The following CNTLN variants were observed in gnomAD, a reference collection of about 807,000 sequenced individuals.
CNTLN encodes the protein centlein.
CNTLN carries 212 observed loss-of-function variants against 180.0 expected under a neutral mutation model. The observed-to-expected ratio is 1.18, with a 90% CI of 1.05 to 1.32. CNTLN has a LOEUF of 1.32. CNTLN is among the 40% of genes most tolerant of loss of function. The pLI, the probability that CNTLN is intolerant of heterozygous loss-of-function variation, is 0.00. For synonymous variants in CNTLN, 722 were observed against 563.1 expected, an observed-to-expected ratio of 1.28 and a Z score of -3.99; for missense variants, 2,095 against 1,610.9, an observed-to-expected ratio of 1.30 and a Z score of -5.14.
chr9:17,442,647 C>T (rs1194030562), intron 18 of CNTLN, among the ~76,000 whole-genome samples: 1 of 152,204 alleles, frequency 6.6e-6, no homozygotes, highest in African/African-American at 2.4e-5. Context: ...GATTCACTCG[C>T]CTTGGCCTCT....
At chr9:17,168,672 A>T (rs965624428) in intron 2 of CNTLN, 12 of 152,342 alleles carry the variant, frequency 7.9e-5, no homozygotes, top group African/African-American at 2.6e-4. Flanking sequence ...TTACTTGTTG[A>T]ATAAATGTCC....
intron 6 of CNTLN, among the ~76,000 whole-genome samples, chr9:17,289,332 T>A (rs1463093990): frequency 9.9e-6 from 1 of 100,948 alleles, no homozygotes. Flanking sequence ...TGTTGAATAT[T>A]GGCCCCCACT....
At chr9:17,369,656 A>G (rs1824138467) in intron 13 of CNTLN, among the ~76,000 whole-genome samples, 1 of 151,598 alleles carries the variant, frequency 6.6e-6, no homozygotes, top group African/African-American at 2.4e-5. Context: ...ATCAAGCAGA[A>G]GAAGGAATTA....
chr9:17,313,642 C>T (rs192404142), intron 8 of CNTLN, among the ~76,000 whole-genome samples: 12 of 152,108 alleles, frequency 7.9e-5, no homozygotes, highest in Admixed American at 5.2e-4. Flanking sequence ...TGCTGAGCTT[C>T]TTGATTTTCA....
intron 13 of CNTLN, among the ~76,000 whole-genome samples, chr9:17,378,362 G>T (rs547202947): frequency 2.4e-4 from 36 of 152,130 alleles, no homozygotes; most frequent in Non-Finnish European, 4.9e-4. Flanking sequence ...TATTTTTTTA[G>T]TAGAGATGGG....
intron 5 of CNTLN, among the ~76,000 whole-genome samples, chr9:17,267,842 G>A (rs1201354776): frequency 6.6e-6 from 1 of 152,098 alleles, no homozygotes; most frequent in Non-Finnish European, 1.5e-5. Context: ...GGCTAATGAG[G>A]CTTCTGCAGT....
intron 18 of CNTLN, among the ~76,000 whole-genome samples, chr9:17,433,664 G>C (rs980934797): frequency 6.6e-6 from 1 of 151,950 alleles, no homozygotes; most frequent in African/African-American, 2.4e-5. Flanking sequence ...GTCTTTCTCT[G>C]TTGCCCAGGC....
Position 17,401,816 on chromosome 9 carries a change from A to G in CNTLN, c.2615+6747A>G, listed in dbSNP as rs577738450. Among the ~76,000 whole-genome samples, 430 of 58,896 alleles carry G rather than the reference A, an allele frequency of 7.3e-3. 5 individuals are homozygous for G. The highest frequency in any genetic ancestry group is 0.022 in the Non-Finnish European group (310 of 13,978). The allele number at this position is 58,896 out of a possible 152,430, so 38.6% of individuals were successfully genotyped here. A position where few individuals can be genotyped will look rare whatever the true frequency, so the allele number is the denominator to read the frequency against. On this transcript the variant is annotated intron_variant, in intron 15 of 25. Transcript: ENST00000380647. ...ACAGAGCCAGATATGAAAAAGCGTT[A>G]ATAGAACTTTAAACATCTATATAGT...
At chr9:17,203,058 CTG>C (rs1347729127) in intron 2 of CNTLN, among the ~76,000 whole-genome samples, 1 of 131,292 alleles carries the variant, frequency 7.6e-6, no homozygotes, top group Non-Finnish European at 1.5e-5. Context: ...CAGCATTTGC[CTG>C]GTCTGGAAAG....
chr9:17,155,535 A>T (rs1372423852), intron 2 of CNTLN, among the ~76,000 whole-genome samples: 4 of 152,120 alleles, frequency 2.6e-5, no homozygotes, highest in Non-Finnish European at 4.4e-5. Context: ...CCCAGTTCGA[A>T]CTTCCCAGCA....
chr9:17,484,507 A>G, intron 24 of CNTLN, 27 bp downstream of exon 24: 2 of 1,546,128 alleles, frequency 1.3e-6, no homozygotes, highest in East Asian at 2.3e-5. Context: ...ATTTATTATT[A>G]AAGGGTTTAT....
intron 2 of CNTLN, among the ~76,000 whole-genome samples, chr9:17,148,435 T>C (rs1481737359): frequency 6.6e-6 from 1 of 152,206 alleles, no homozygotes; most frequent in Non-Finnish European, 1.5e-5. Context: ...TGTTTCTGTT[T>C]AAAGATACTT....
chr9:17,367,175 T>C (rs755731176), intron 13 of CNTLN, among the ~76,000 whole-genome samples: 17 of 152,178 alleles, frequency 1.1e-4, no homozygotes, highest in South Asian at 2.1e-4. Context: ...GGAGAGAGAA[T>C]TGTGCACTTA....
chr9:17,272,418 T>C (rs193234456), intron 5 of CNTLN, among the ~76,000 whole-genome samples: 80 of 152,228 alleles, frequency 5.3e-4, no homozygotes, highest in African/African-American at 1.8e-3. Flanking sequence ...GACTCTGTTT[T>C]TGAAGGTTAG....
Position 17,143,310 on chromosome 9 carries a change from C to G in CNTLN, c.383C>G (p.Ser128Cys). The change falls in exon 2 of 26, where the codon TCT becomes TGT. Residue 128 changes from serine (S) to cysteine (C), a missense_variant. Physicochemically the swap from Ser to Cys is moderately radical, Grantham distance 112. Coordinates refer to ENST00000380647, the MANE Select transcript of CNTLN (RefSeq NM_017738.4). ...AAGGCTGATAAAGAATTTGTATGGT[C>G]TTTGTGGAAACGTCTCCAGGTTACA... is the stretch of plus-strand genomic sequence containing the variant. ...LCQADKEFVWSLWKRLQVTNP... is the reference protein window; with the variant it reads ...LCQADKEFVWCLWKRLQVTNP... The G allele has an allele frequency of 1.7e-5, 27 of 1,613,276 alleles. No homozygotes were observed. Among genetic ancestry groups the G allele is most frequent in the Middle Eastern group, 1.7e-4 (1 of 6,056 alleles).
At chr9:17,480,216 C>T (rs1832570636) in intron 23 of CNTLN, among the ~76,000 whole-genome samples, 4 of 151,900 alleles carry the variant, frequency 2.6e-5, no homozygotes. Flanking sequence ...CATATCCGTA[C>T]CAAAAAATCA....
At chr9:17,382,501 A>G (rs141157270) in intron 13 of CNTLN, among the ~76,000 whole-genome samples, 1,767 of 152,336 alleles carry the variant, frequency 0.012, 36 homozygotes, top group African/African-American at 0.04. Flanking sequence ...ACTTTTCAAC[A>G]TCAATAAAAA....
At chr9:17,433,922 CT>C (rs1202602253) in intron 18 of CNTLN, among the ~76,000 whole-genome samples, 1 of 152,098 alleles carries the variant, frequency 6.6e-6, no homozygotes, top group Non-Finnish European at 1.5e-5. Context: ...AGTTAAATAA[CT>C]TTTTGAAATT....
rs1015259337 is a variant in CNTLN, at chr9:17,237,395, A to G, written c.849+807A>G. ...CACACACACACACACACACACACAC[A>G]CACACACACACGGTTAGTCAACAGT... On this transcript the variant is annotated intron_variant, in intron 5 of 25. Coordinates refer to ENST00000380647, the MANE Select transcript of CNTLN (RefSeq NM_017738.4). 5.4e-5 allele frequency among the ~76,000 whole-genome samples: 8 copies of G among 148,236 alleles called. No individual in the cohort carries two copies. In the South Asian group the frequency reaches 1.7e-3, roughly 32 times the overall value.
Sources: gnomAD v4.1 joint callset for allele counts (sites outside exome capture counted in the v4.1 genomes callset) on GRCh38, gnomAD v4.1.1 for gene constraint, MANE v1.5 for transcripts, NCBI Gene and HGNC (gene_info 2026-07-23, HGNC 2026-07-21) for gene names.